The following MLLT10 variants were observed in gnomAD, a reference collection of about 807,000 sequenced individuals.
MLLT10 encodes the protein MLLT10 histone lysine methyltransferase DOT1L cofactor, also known as protein AF-10.
A neutral mutation model predicts 129.1 loss-of-function variants in MLLT10; 30 were observed. The ratio of observed to expected loss-of-function variants is 0.23; its 90% CI spans 0.17 to 0.32. The LOEUF is 0.32. Among genes scored for constraint, MLLT10 ranks in the 10% least tolerant of loss-of-function variants. The probability of loss-of-function intolerance (pLI) is 1.00; values close to 1 mark genes in which losing one functional copy is unlikely to be tolerated. For missense variants in MLLT10, 1,119 were observed against 1,268.3 expected (o/e 0.88, Z 1.79); for synonymous variants, 490 against 446.4 (o/e 1.10, Z -1.23).
chr10:21,616,741 A>G (rs2131210775), intron 7 of MLLT10, among the ~76,000 whole-genome samples: 1 of 152,148 alleles, frequency 6.6e-6, no homozygotes, highest in South Asian at 2.1e-4. Context: ...GTAACACTTC[A>G]AATATTTACC....
rs776422279 is a variant in MLLT10, at chr10:21,548,526, C to T, written c.240+9614C>T. 1.3e-3 allele frequency among the ~76,000 whole-genome samples: 200 copies of T among 152,130 alleles called. 1 individual carries two copies. Among genetic ancestry groups the T allele is most frequent in the African/African-American group, 4.5e-3 (188 of 41,518 alleles). The stretch of plus-strand genomic sequence containing the variant: ...CTGGGAATACAGGTGCCCGCCGCTA[C>T]GCCCGGCTAATTTTGTGTATTTTTA... On this transcript the variant is annotated intron_variant, in intron 3 of 22. Transcript: ENST00000307729.
intron 3 of MLLT10, among the ~76,000 whole-genome samples, chr10:21,567,691 T>C (rs1464769989): frequency 6.6e-6 from 1 of 152,140 alleles, no homozygotes; most frequent in Non-Finnish European, 1.5e-5. Context: ...ATTGCTGGTA[T>C]GGGTGGGGCT....
chr10:21,630,238 T>C (rs1348113695), intron 8 of MLLT10, among the ~76,000 whole-genome samples: 1 of 152,134 alleles, frequency 6.6e-6, no homozygotes, highest in Non-Finnish European at 1.5e-5. Context: ...GGTGGGATAA[T>C]AGATGTAGTG....
At chr10:21,726,388 C>T (rs753935547) in intron 15 of MLLT10, 33 bp downstream of exon 15, 36 of 1,405,820 alleles carry the variant, frequency 2.6e-5, no homozygotes, top group Non-Finnish European at 3.5e-5. Flanking sequence ...CTCTAAAACC[C>T]TACTCTCACC....
At position 21,727,853 on chromosome 10, in the gene MLLT10, C is replaced by T. The variant is rs1460616887; in HGVS notation, c.1991-3C>T. 6.2e-7 allele frequency: 1 copy of T among 1,612,926 alleles called. No homozygotes were observed. The highest frequency in any genetic ancestry group is 2.2e-5 in the East Asian group (1 of 44,874). ...TATCAGCTCTGAAATATTTACACTA[C>T]AGATCAAGATCTTGGAGACAATAGC... On this transcript the variant is annotated splice_region_variant and splice_polypyrimidine_tract_variant and intron_variant, in intron 15 of 22. Transcript: ENST00000307729.
At chr10:21,566,422 G>A (rs1251676529) in intron 3 of MLLT10, among the ~76,000 whole-genome samples, 4 of 147,370 alleles carry the variant, frequency 2.7e-5, no homozygotes, top group Non-Finnish European at 6.0e-5. Context: ...TCTGCCTCCC[G>A]GGTTCAAGTA....
At chr10:21,587,997 TA>T (rs1357973563) in intron 4 of MLLT10, among the ~76,000 whole-genome samples, 1 of 152,228 alleles carries the variant, frequency 6.6e-6, no homozygotes, top group African/African-American at 2.4e-5. Flanking sequence ...GTTAATATTA[TA>T]TACTCTTCTG....
At chr10:21,711,562 C>G (rs1218818283) in intron 13 of MLLT10, among the ~76,000 whole-genome samples, 7 of 145,692 alleles carry the variant, frequency 4.8e-5, no homozygotes, top group Non-Finnish European at 1.0e-4. Flanking sequence ...TCTCTTAACC[C>G]ACCGACCCCA....
chr10:21,601,270 A>G (rs2043504658), intron 5 of MLLT10, among the ~76,000 whole-genome samples: 1 of 152,034 alleles, frequency 6.6e-6, no homozygotes, highest in Non-Finnish European at 1.5e-5. Flanking sequence ...GTGCTTGTCA[A>G]CTTGATATAT....
intron 8 of MLLT10, chr10:21,625,895 G>C: frequency 1.3e-6 from 1 of 782,234 alleles, no homozygotes. Context: ...CTCAAAAAGG[G>C]GCACCAACTC....
At chr10:21,547,576 A>G (rs897650398) in intron 3 of MLLT10, among the ~76,000 whole-genome samples, 8 of 150,880 alleles carry the variant, frequency 5.3e-5, no homozygotes, top group African/African-American at 2.0e-4. Flanking sequence ...GCTGGAGTGC[A>G]GTAGTGTGAT....
At position 21,732,191 on chromosome 10, in the gene MLLT10, C is replaced by T. The variant is rs147133315; in HGVS notation, c.2219-708C>T. ...ACAAATACAACTTTTTAGTATGTGA[C>T]GGACACTTCAAAAATCTTAACGGCA... On this transcript the variant is annotated intron_variant, in intron 17 of 22. Transcript: ENST00000307729. 6.6e-5 allele frequency among the ~76,000 whole-genome samples: 10 copies of T among 152,262 alleles called. No individual in the cohort carries two copies. The East Asian group carries it at 1.2e-3, about 18-fold the overall frequency.
At chr10:21,722,111 T>C (rs1481560390) in intron 14 of MLLT10, among the ~76,000 whole-genome samples, 4 of 152,064 alleles carry the variant, frequency 2.6e-5, no homozygotes, top group Non-Finnish European at 5.9e-5. Context: ...TTAAGTTTGT[T>C]ATGGCAGTTT....
At chr10:21,676,403 G>A (rs1304339030) in intron 11 of MLLT10, among the ~76,000 whole-genome samples, 1 of 149,878 alleles carries the variant, frequency 6.7e-6, no homozygotes, top group African/African-American at 2.5e-5. Flanking sequence ...GGGCGACAGA[G>A]CGAGACTCCG....
intron 14 of MLLT10, among the ~76,000 whole-genome samples, chr10:21,719,075 G>C (rs1434881021): frequency 6.6e-6 from 1 of 152,206 alleles, no homozygotes; most frequent in African/African-American, 2.4e-5. Context: ...GCAGATTTCT[G>C]TGACACTTTC....
At chr10:21,655,000 T>G (rs1472360003) in intron 9 of MLLT10, among the ~76,000 whole-genome samples, 2 of 152,052 alleles carry the variant, frequency 1.3e-5, no homozygotes, top group African/African-American at 2.4e-5. Flanking sequence ...CAGTAAGACC[T>G]CAAAGATTGT....
intron 10 of MLLT10, among the ~76,000 whole-genome samples, chr10:21,672,207 G>GTGTGTGTGTGTGTGTGTGTA (rs950414625): frequency 5.3e-5 from 8 of 150,206 alleles, no homozygotes; most frequent in African/African-American, 2.0e-4. Context: ...GTGTGTGTGT[G>GTGTGTGTGTGTGTGTGTGTA]TGTATTTTGA....
intron 8 of MLLT10, among the ~76,000 whole-genome samples, chr10:21,624,116 AC>A (rs1298403154): frequency 6.6e-6 from 1 of 152,194 alleles, no homozygotes; most frequent in African/African-American, 2.4e-5. Context: ...AAAATGCAAA[AC>A]ATACGATCAT....
chr10:21,578,253 T>TA (rs1478256471), intron 3 of MLLT10, among the ~76,000 whole-genome samples: 1 of 152,228 alleles, frequency 6.6e-6, no homozygotes, highest in African/African-American at 2.4e-5. Flanking sequence ...CATGTGCTTA[T>TA]TGGTCATTTA....
Sources: gnomAD v4.1 joint callset for allele counts (sites outside exome capture counted in the v4.1 genomes callset) on GRCh38, gnomAD v4.1.1 for gene constraint, MANE v1.5 for transcripts, NCBI Gene and HGNC (gene_info 2026-07-23, HGNC 2026-07-21) for gene names.